Variants in CENPI observed in about 807,000 individuals in gnomAD.
The protein encoded by CENPI is FSH primary response 1.
CENPI carries 4 observed loss-of-function variants against 60.4 expected under a neutral mutation model. The ratio of observed to expected loss-of-function variants is 0.07; its 90% CI spans 0.03 to 0.15. CENPI has a LOEUF of 0.15. Ranked by LOEUF, CENPI falls within the 10% of genes least tolerant of loss-of-function variation. CENPI has a pLI of 1.00. For synonymous variants in CENPI, 157 were observed against 189.4 expected, an observed-to-expected ratio of 0.83 and a Z score of 1.40; for missense variants, 444 against 534.5, an observed-to-expected ratio of 0.83 and a Z score of 1.67.
At chrX:101,151,344 T>C (rs2148243495) in intron 20 of CENPI, among the ~76,000 whole-genome samples, 1 of 112,100 alleles carries the variant, frequency 8.9e-6, no homozygotes, top group South Asian at 3.7e-4. Flanking sequence ...TACAGTTCAC[T>C]TTGGTAGCAA....
At chrX:101,113,282 TACACACACAC>T (rs533672702) in intron 6 of CENPI, among the ~76,000 whole-genome samples, 2,675 of 83,877 alleles carry the variant, frequency 0.032, 109 homozygotes, top group African/African-American at 0.1. Context: ...TCCATCCCTT[TACACACACAC>T]ACACACACAC....
the CENPI span, among the ~76,000 whole-genome samples, chrX:101,178,321 G>A: frequency 9.2e-6 from 1 of 109,195 alleles, no homozygotes; most frequent in Non-Finnish European, 1.9e-5. Context: ...TCTTTGTGAA[G>A]GTGAGTACCA....
chrX:101,173,292 C>T, the CENPI span, among the ~76,000 whole-genome samples: 2 of 95,250 alleles, frequency 2.1e-5, no homozygotes, highest in Non-Finnish European at 4.1e-5. Flanking sequence ...GGGATTATGG[C>T]GTGAGCCACC....
At chrX:101,131,421 T>A (rs745926643) in intron 13 of CENPI, among the ~76,000 whole-genome samples, 1 of 111,386 alleles carries the variant, frequency 9.0e-6, no homozygotes, top group South Asian at 3.8e-4. Flanking sequence ...GGAAGATGGA[T>A]GGCATTCACT....
At chrX:101,122,860 C>T (rs924610433) in intron 8 of CENPI, among the ~76,000 whole-genome samples, 6 of 111,389 alleles carry the variant, frequency 5.4e-5, no homozygotes, top group South Asian at 3.7e-4. Context: ...GGCAAGACTC[C>T]GTCTCCAAAA....
At position 101,165,283 on chromosome X, in the gene CENPI, A is replaced by G. The variant is rs781519711; in HGVS notation, c.*2316A>G. On this transcript the variant is annotated 3_prime_UTR_variant, in exon 22 of 22. Transcript: ENST00000682095. Reference sequence around the variant, plus strand: ...ACTGAAGAAGATTAAAGAGGAAAGCAGAGACTGGTTAGGTTATTATAGTGT... The same window carrying G: ...ACTGAAGAAGATTAAAGAGGAAAGCGGAGACTGGTTAGGTTATTATAGTGT... Among the ~76,000 whole-genome samples the G allele has an allele frequency of 8.9e-6, 1 of 112,095 alleles. No homozygotes were observed. Among genetic ancestry groups the G allele is most frequent in the Non-Finnish European group, 1.9e-5 (1 of 53,216 alleles).
chrX:101,177,058 G>T, the CENPI span, among the ~76,000 whole-genome samples: 1 of 111,291 alleles, frequency 9.0e-6, no homozygotes, highest in African/African-American at 3.3e-5. Context: ...TCTCAGCGTG[G>T]TGTATGTTGA....
chrX:101,114,806 AT>A (rs1370987160), intron 6 of CENPI, among the ~76,000 whole-genome samples: 1 of 109,213 alleles, frequency 9.2e-6, no homozygotes. Context: ...CGCCTGGCTA[AT>A]TTTTGGTATT....
intron 4 of CENPI, among the ~76,000 whole-genome samples, chrX:101,107,060 CAAA>C (rs777807842): frequency 0.32 from 19,959 of 62,050 alleles, 2,309 homozygotes; most frequent in African/African-American, 0.38. Context: ...GACCCTGTCT[CAAA>C]AAAAAAAAAA....
rs1433478163 is a variant in CENPI, at chrX:101,109,499, A to C, written c.391A>C (p.Lys131Gln). The C allele has an allele frequency of 8.3e-7, 1 of 1,206,620 alleles. No homozygotes were observed. Among genetic ancestry groups the C allele is most frequent in the East Asian group, 3.0e-5 (1 of 33,772 alleles). The change falls in exon 5 of 22, where the codon AAG becomes CAG. Residue 131 changes from lysine (K) to glutamine (Q), a missense_variant. Lys to Gln is a moderately conservative substitution (Grantham distance 53, BLOSUM62 1). Coordinates refer to ENST00000682095, the MANE Select transcript of CENPI (RefSeq NM_001386188.2). ...AAATGCTGTAAACACACGGATATTG[A>C]AGTGCATGATCCCAGCAACAGTAAT... ...FGNAVNTRIL[K>Q]CMIPATVISE...
intron 20 of CENPI, among the ~76,000 whole-genome samples, chrX:101,155,732 A>G (rs1410832024): frequency 2.7e-5 from 3 of 111,937 alleles, no homozygotes; most frequent in Non-Finnish European, 5.6e-5. Context: ...ACACAGGCTT[A>G]CTAAATTCAG....
the CENPI span, among the ~76,000 whole-genome samples, chrX:101,181,201 T>TTA: frequency 9.0e-6 from 1 of 111,395 alleles, no homozygotes; most frequent in Admixed American, 9.6e-5. Flanking sequence ...AGTGTCTTTG[T>TTA]TATTGTACCT....
At position 101,162,477 on chromosome X, in the gene CENPI, T is replaced by A. The variant is rs767318127; in HGVS notation, c.2137-356T>A. Reference sequence around the variant, plus strand: ...TCTCAAAAAAAAAAAAAAAAAAATATATATATATATATATAATTATCTCAT... The same window carrying A: ...TCTCAAAAAAAAAAAAAAAAAAATAAATATATATATATATAATTATCTCAT... On this transcript the variant is annotated intron_variant, in intron 21 of 21. Coordinates refer to ENST00000682095, the MANE Select transcript of CENPI (RefSeq NM_001386188.2). Among the ~76,000 whole-genome samples, 329 of 87,544 alleles carry A rather than the reference T, an allele frequency of 3.8e-3. 1 individual carries two copies. The highest frequency in any genetic ancestry group is 6.4e-3 in the African/African-American group (149 of 23,199). 76.0% of individuals were successfully genotyped at this position (87,544 alleles called of 115,157 possible). A position where few individuals can be genotyped will look rare whatever the true frequency, so the allele number is the denominator to read the frequency against.
At position 101,115,140 on chromosome X, in the gene CENPI, T is replaced by C. The variant is rs2089606306; in HGVS notation, c.591+5142T>C. ...CACCACGCCTGGCTAATTTTTGTAT[T>C]TTTAGTAGAGATGGGGTTTCGCCAT... On this transcript the variant is annotated intron_variant, in intron 6 of 21. Transcript: ENST00000682095. Among the ~76,000 whole-genome samples, 3 of 109,490 alleles carry C rather than the reference T, an allele frequency of 2.7e-5. No individual in the cohort carries two copies. The Admixed American group carries it at 3.0e-4, about 11-fold the overall frequency.
At chrX:101,149,913 T>C (rs2089993276) in intron 20 of CENPI, among the ~76,000 whole-genome samples, 1 of 110,865 alleles carries the variant, frequency 9.0e-6, no homozygotes, top group South Asian at 3.9e-4. Flanking sequence ...AGTTCTGATA[T>C]ACAACAAGAG....
the CENPI span, among the ~76,000 whole-genome samples, chrX:101,176,699 A>G: frequency 8.9e-6 from 1 of 112,523 alleles, no homozygotes. Flanking sequence ...AATCATTTGC[A>G]CATATTTTCT....
chrX:101,155,979 T>C lies in CENPI; in HGVS notation c.2095-5549T>C, dbSNP rs184374957. ...TAATTATTATGATGATGCTAATGTT[T>C]TGCCTTGCCTTTGTTTAATAACTTA... On this transcript the variant is annotated intron_variant, in intron 20 of 21. Coordinates refer to ENST00000682095, the MANE Select transcript of CENPI (RefSeq NM_001386188.2). Among the ~76,000 whole-genome samples, 167 of 112,040 alleles carry C rather than the reference T, an allele frequency of 1.5e-3. 1 individual carries two copies. The highest frequency in any genetic ancestry group is 5.2e-3 in the African/African-American group (160 of 30,948).
At chrX:101,114,461 C>A (rs774181375) in intron 6 of CENPI, among the ~76,000 whole-genome samples, 2 of 111,647 alleles carry the variant, frequency 1.8e-5, no homozygotes, top group Non-Finnish European at 3.8e-5. Flanking sequence ...TTTGCTATCA[C>A]TCCCATCTCT....
At chrX:101,106,540 C>T (rs2089485327) in intron 4 of CENPI, among the ~76,000 whole-genome samples, 2 of 109,324 alleles carry the variant, frequency 1.8e-5, no homozygotes, top group Non-Finnish European at 3.8e-5. Flanking sequence ...CCTCAGCCTC[C>T]TGAGTAGCTG....
Sources: allele counts gnomAD v4.1 joint callset (sites outside exome capture counted in the v4.1 genomes callset), GRCh38; gene constraint gnomAD v4.1.1; transcripts MANE v1.5; gene names NCBI Gene and HGNC (gene_info 2026-07-23, HGNC 2026-07-21).